The following HEXB variants were observed in gnomAD, a reference collection of about 807,000 sequenced individuals.
The protein encoded by HEXB is beta-hexosaminidase subunit beta.
Under a neutral mutation model 71.2 loss-of-function variants are expected in HEXB, and 51 were observed. The ratio of observed to expected loss-of-function variants is 0.72; its 90% CI spans 0.57 to 0.90. The LOEUF (loss-of-function observed/expected upper bound fraction) is 0.90. Ranked by LOEUF, HEXB falls within the 40% of genes least tolerant of loss-of-function variation. The probability of loss-of-function intolerance (pLI) is 0.00; values close to 1 mark genes in which losing one functional copy is unlikely to be tolerated. For missense variants in HEXB, 617 were observed against 677.0 expected, an observed-to-expected ratio of 0.91 and a Z score of 0.98; for synonymous variants, 266 against 249.3, an observed-to-expected ratio of 1.07 and a Z score of -0.63.
At chr5:74,647,938 G>A (rs1341514181) in intron 1 of HEXB, among the ~76,000 whole-genome samples, 1 of 152,184 alleles carries the variant, frequency 6.6e-6, no homozygotes, top group Non-Finnish European at 1.5e-5. Flanking sequence ...ACAGTGTCTA[G>A]GCTTGGCCTG....
chr5:74,702,009 C>T (rs1463129815), intron 5 of HEXB, among the ~76,000 whole-genome samples: 2 of 150,106 alleles, frequency 1.3e-5, no homozygotes, highest in Admixed American at 6.7e-5. Context: ...TCAGGTGTTC[C>T]GTTTACTTGT....
chr5:74,713,472 T>C, intron 6 of HEXB, 34 bp from the exon 7 acceptor site: 1 of 1,603,052 alleles, frequency 6.2e-7, no homozygotes, highest in Non-Finnish European at 8.5e-7. Flanking sequence ...ATCTACGTTG[T>C]ACATTTTAAC....
chr5:74,699,784 C>G (rs1293712849), intron 5 of HEXB, among the ~76,000 whole-genome samples: 2 of 151,854 alleles, frequency 1.3e-5, no homozygotes, highest in Non-Finnish European at 2.9e-5. Flanking sequence ...TACATTTTAA[C>G]TTTTGGTATA....
chr5:74,674,136 T>C (rs918759326), intron 1 of HEXB, among the ~76,000 whole-genome samples: 2 of 152,236 alleles, frequency 1.3e-5, no homozygotes, highest in African/African-American at 4.8e-5. Context: ...GTCTGGCACA[T>C]TCTTATAGCA....
chr5:74,644,833 G>A (rs866142486), intron 1 of HEXB, among the ~76,000 whole-genome samples: 14 of 130,456 alleles, frequency 1.1e-4, no homozygotes, highest in African/African-American at 2.6e-4. Context: ...GTGCAGTGGC[G>A]CAATCTCGGC....
rs573572094 is a variant in HEXB, at chr5:74,667,896, G to A, written c.-376-21432G>A. Among the ~76,000 whole-genome samples the A allele has an allele frequency of 7.9e-5, 12 of 152,130 alleles. No homozygotes were observed. In the South Asian group the frequency reaches 2.5e-3, roughly 32 times the overall value. On this transcript the variant is annotated intron_variant, in intron 1 of 13. Transcript: ENST00000511181. The stretch of plus-strand genomic sequence containing the variant: ...ATTAAGGGGTCCTCAAATACTAGCC[G>A]CCATCACCCCATCACACTGTCTATA...
rs1749742772 is a variant in HEXB, at chr5:74,718,923, G to A, written c.1369G>A (p.Gly457Arg). 1 of 1,613,956 alleles carries A rather than the reference G, an allele frequency of 6.2e-7. No homozygotes were observed. The highest frequency in any genetic ancestry group is 8.5e-7 in the Non-Finnish European group (1 of 1,179,992). Residue 457 changes from glycine to arginine, a missense_variant, in exon 11 of 14, where the codon GGA (glycine) becomes AGA (arginine). Gly to Arg is a moderately radical substitution (Grantham distance 125, BLOSUM62 -2). Transcript: ENST00000261416. ...TTGGTACTTAGATTTGATTAGCTAT[G>A]GACAAGATTGGAGGAAATACTATAA... ...APWYLDLISY[G>R]QDWRKYYKVE...
At chr5:74,646,815 C>T (rs1413483792) in intron 1 of HEXB, among the ~76,000 whole-genome samples, 1 of 152,176 alleles carries the variant, frequency 6.6e-6, no homozygotes, top group Non-Finnish European at 1.5e-5. Flanking sequence ...GATACACCCA[C>T]CTCAGCCTCC....
At chr5:74,676,150 C>CATATGT (rs1459699479) in intron 1 of HEXB, among the ~76,000 whole-genome samples, 1 of 152,112 alleles carries the variant, frequency 6.6e-6, no homozygotes, top group Admixed American at 6.5e-5. Flanking sequence ...CCTTGTCAAT[C>CATATGT]AAGTCTTTAA....
chr5:74,719,425 G>A (rs1749760581), intron 11 of HEXB, among the ~76,000 whole-genome samples: 2 of 152,146 alleles, frequency 1.3e-5, no homozygotes, highest in Non-Finnish European at 2.9e-5. Context: ...CTTGGTGGAT[G>A]GGACAGGAGG....
intron 6 of HEXB, 44 bp downstream of exon 6, chr5:74,705,364 T>C (rs754298049): frequency 2.0e-6 from 2 of 1,005,412 alleles, no homozygotes; most frequent in South Asian, 2.5e-5. Flanking sequence ...ACATTGGGTA[T>C]AGTTTCATTA....
intron 1 of HEXB, among the ~76,000 whole-genome samples, chr5:74,663,203 G>T (rs563354317): frequency 6.8e-6 from 1 of 146,652 alleles, no homozygotes; most frequent in African/African-American, 2.5e-5. Context: ...GGGGGGTGGA[G>T]TGCGGTGGCG....
At chr5:74,704,604 T>A (rs1310746367) in intron 5 of HEXB, among the ~76,000 whole-genome samples, 1 of 152,180 alleles carries the variant, frequency 6.6e-6, no homozygotes, top group Admixed American at 6.5e-5. Flanking sequence ...CCAAACACAG[T>A]GGCAGCCAAG....
At chr5:74,711,720 A>C (rs961938664) in intron 6 of HEXB, among the ~76,000 whole-genome samples, 6 of 152,110 alleles carry the variant, frequency 3.9e-5, no homozygotes, top group Admixed American at 3.9e-4. Context: ...AATGCAAATC[A>C]AAACCACAAT....
intron 1 of HEXB, among the ~76,000 whole-genome samples, chr5:74,677,702 T>A (rs1748661801): frequency 6.6e-6 from 1 of 152,108 alleles, no homozygotes; most frequent in Non-Finnish European, 1.5e-5. Context: ...TTTTTATTAT[T>A]ATTTTTTATG....
At position 74,693,617 on chromosome 5, in the gene HEXB, TGATTTTAA is replaced by T. The variant is rs1378029630; in HGVS notation, c.446-21_446-14del. The stretch of plus-strand genomic sequence containing the variant: ...TGAGGGATTAACAAAAGTGTGTGTG[TGATTTTAA>T]ATCCTCAATACAGATACTTTACTTG... On this transcript the variant is annotated splice_polypyrimidine_tract_variant and intron_variant, in intron 2 of 13. Transcript: ENST00000261416. 3 of 1,557,514 alleles carry T rather than the reference TGATTTTAA, an allele frequency of 1.9e-6. No homozygotes were observed.
At chr5:74,645,953 C>G (rs1747994642) in intron 1 of HEXB, among the ~76,000 whole-genome samples, 1 of 51,446 alleles carries the variant, frequency 1.9e-5, no homozygotes, top group South Asian at 3.7e-4. Flanking sequence ...TGTCTGCATA[C>G]TATTTTTTTT....
At chr5:74,708,344 G>A (rs1462691399) in intron 6 of HEXB, among the ~76,000 whole-genome samples, 65 of 151,982 alleles carry the variant, frequency 4.3e-4, no homozygotes, top group Middle Eastern at 3.4e-3. Flanking sequence ...TCATGCCAAA[G>A]TGTAAAGACC....
chr5:74,667,572 A>G (rs1282341256), intron 1 of HEXB, among the ~76,000 whole-genome samples: 1 of 152,238 alleles, frequency 6.6e-6, no homozygotes, highest in Non-Finnish European at 1.5e-5. Context: ...AAGTTCAGTC[A>G]GGAGACAGAG....
Sources: gnomAD v4.1 joint callset for allele counts (sites outside exome capture counted in the v4.1 genomes callset) on GRCh38, gnomAD v4.1.1 for gene constraint, MANE v1.5 for transcripts, NCBI Gene and HGNC (gene_info 2026-07-23, HGNC 2026-07-21) for gene names.